Variants in CPAMD8 observed in about 807,000 individuals in gnomAD.
CPAMD8 encodes the protein C3 and PZP-like alpha-2-macroglobulin domain-containing protein 8.
In CPAMD8, 146 loss-of-function variants were observed where a neutral mutation model predicts 224.7. That is an observed-to-expected ratio of 0.65 (90% confidence interval 0.57 to 0.75). The LOEUF (loss-of-function observed/expected upper bound fraction) is 0.75, where lower values mean the gene tolerates loss of function less well. CPAMD8 is among the 30% of genes least tolerant of loss of function. The pLI, the probability that CPAMD8 is intolerant of heterozygous loss-of-function variation, is 0.00. For synonymous variants in CPAMD8, 966 were observed against 1,044.6 expected (o/e 0.92, Z 1.45); for missense variants, 2,301 against 2,537.5 (o/e 0.91, Z 2.00).
rs781714261 is a variant in CPAMD8, at chr19:16,896,664, G to A, written c.5067C>T (p.Gly1689=). 93 of 1,453,598 alleles carry A rather than the reference G, an allele frequency of 6.4e-5. No individual in the cohort carries two copies. The highest frequency in any genetic ancestry group is 6.4e-5 in the Non-Finnish European group (71 of 1,105,558). 90.0% of individuals were successfully genotyped at this position (1,453,598 alleles called of 1,614,324 possible). ...EVERAPARGP[G]WFPGESGPAV... ...CAGGGCCCGACTCGCCGGGGAACCAGCCTGGGGGACGAGGCAGGCTCGACA... is the reference window on the plus strand; with the variant it reads ...CAGGGCCCGACTCGCCGGGGAACCAACCTGGGGGACGAGGCAGGCTCGACA... Residue 1689 remains glycine, a splice_region_variant and synonymous_variant, in exon 40 of 42, where the codon GGC becomes GGT. Coordinates refer to ENST00000443236, the MANE Select transcript of CPAMD8 (RefSeq NM_015692.5).
At chr19:16,990,154 T>C (rs2055889268) in intron 12 of CPAMD8, among the ~76,000 whole-genome samples, 1 of 151,954 alleles carries the variant, frequency 6.6e-6, no homozygotes, top group South Asian at 2.1e-4. Flanking sequence ...CTCAGGAGGC[T>C]GAGGCACAAG....
chr19:16,934,132 C>G (rs2053621011), intron 23 of CPAMD8, among the ~76,000 whole-genome samples: 1 of 152,126 alleles, frequency 6.6e-6, no homozygotes, highest in African/African-American at 2.4e-5. Flanking sequence ...ACAAACTAAT[C>G]TACAGAGACA....
chr19:16,945,831 G>A, intron 21 of CPAMD8, 152 bp from the exon 22 acceptor site: 1 of 744,054 alleles, frequency 1.3e-6, no homozygotes, highest in Non-Finnish European at 2.3e-6. Flanking sequence ...ATGCATGCAA[G>A]TGTGTATGTC....
chr19:16,980,953 A>G (rs1226529447), intron 13 of CPAMD8, among the ~76,000 whole-genome samples: 1 of 151,860 alleles, frequency 6.6e-6, no homozygotes, highest in African/African-American at 2.4e-5. Flanking sequence ...CTCCTGCCTC[A>G]GCCTCCTGGG....
chr19:16,995,626 C>A (rs2056098929), intron 11 of CPAMD8, among the ~76,000 whole-genome samples: 1 of 152,178 alleles, frequency 6.6e-6, no homozygotes, highest in African/African-American at 2.4e-5. Flanking sequence ...GTCTTGAAGT[C>A]CTGACCTCAG....
chr19:16,976,735 AGTTT>A (rs1335984844), intron 15 of CPAMD8, among the ~76,000 whole-genome samples: 1 of 151,914 alleles, frequency 6.6e-6, no homozygotes, highest in Non-Finnish European at 1.5e-5. Context: ...AGCCTGTGGC[AGTTT>A]GTTTACAAGT....
chr19:16,921,747 T>A (rs536151247), intron 27 of CPAMD8, among the ~76,000 whole-genome samples, 158 bp downstream of exon 27: 1 of 152,252 alleles, frequency 6.6e-6, no homozygotes, highest in South Asian at 2.1e-4. Flanking sequence ...CCAACCTCCA[T>A]CTCTGGAGCT....
intron 21 of CPAMD8, among the ~76,000 whole-genome samples, chr19:16,946,784 CGTGT>C (rs547360274): frequency 6.7e-6 from 1 of 149,564 alleles, no homozygotes; most frequent in Non-Finnish European, 1.5e-5. Flanking sequence ...CACATGTGGG[CGTGT>C]GTGTGGATTT....
At chr19:16,961,792 G>A (rs2054666768) in intron 18 of CPAMD8, among the ~76,000 whole-genome samples, 1 of 152,176 alleles carries the variant, frequency 6.6e-6, no homozygotes, top group African/African-American at 2.4e-5. Context: ...ATATAGGCGG[G>A]TACCCCTCTG....
chr19:16,929,763 G>A (rs2053492081), intron 23 of CPAMD8, among the ~76,000 whole-genome samples: 1 of 152,174 alleles, frequency 6.6e-6, no homozygotes, highest in East Asian at 1.9e-4. Context: ...CCAAAGATGA[G>A]CAAGGTGTTG....
At chr19:16,986,737 T>G (rs2055734264) in intron 13 of CPAMD8, among the ~76,000 whole-genome samples, 1 of 152,074 alleles carries the variant, frequency 6.6e-6, no homozygotes, top group Admixed American at 6.6e-5. Context: ...GTGACATTTC[T>G]GCCAAGGCTG....
Position 16,904,451 on chromosome 19 carries a change from T to G in CPAMD8, c.4114+15A>C, listed in dbSNP as rs762495301. On this transcript the variant is annotated intron_variant, in intron 31 of 41. Transcript: ENST00000443236. Reference sequence around the variant, plus strand: ...ATGGCCAAGGCAGGCACCCGGGAGCTGGGGTGGCCAGTACCTGACTGAGAG... The same window carrying G: ...ATGGCCAAGGCAGGCACCCGGGAGCGGGGGTGGCCAGTACCTGACTGAGAG... The G allele has an allele frequency of 1.1e-5, 17 of 1,613,696 alleles. No individual in the cohort carries two copies. The South Asian group carries it at 1.8e-4, about 17-fold the overall frequency.
chr19:16,967,831 A>G (rs4808542), intron 18 of CPAMD8, among the ~76,000 whole-genome samples: 6 of 89,914 alleles, frequency 6.7e-5, no homozygotes, highest in African/African-American at 1.0e-4. Context: ...ATATATATGT[A>G]TATATATACA....
At chr19:17,011,181 C>A (rs992843804) in intron 5 of CPAMD8, among the ~76,000 whole-genome samples, 1 of 151,710 alleles carries the variant, frequency 6.6e-6, no homozygotes, top group Admixed American at 6.6e-5. Flanking sequence ...GGCAATAGAG[C>A]GAGAGACTCG....
Position 16,896,163 on chromosome 19 carries a change from G to C in CPAMD8, c.5426+13C>G. Reference sequence around the variant, plus strand: ...CCTATGTCTCTTATCTCTGGGGTGGGCCCAGCTGTTACCTGTCCTCCGCCT... The same window carrying C: ...CCTATGTCTCTTATCTCTGGGGTGGCCCCAGCTGTTACCTGTCCTCCGCCT... On this transcript the variant is annotated intron_variant, in intron 41 of 41. Transcript: ENST00000443236. The C allele has an allele frequency of 2.5e-6, 4 of 1,613,444 alleles. No homozygotes were observed. The highest frequency in any genetic ancestry group is 3.4e-6 in the Non-Finnish European group (4 of 1,179,832).
intron 30 of CPAMD8, among the ~76,000 whole-genome samples, chr19:16,906,399 TTTCTTTC>T (rs2052511548): frequency 1.1e-5 from 1 of 88,714 alleles, no homozygotes; most frequent in Non-Finnish European, 2.3e-5. Context: ...TCTTTCTTTC[TTTCTTTC>T]TTTCCTTCCT....
At chr19:16,999,227 T>C (rs187162978) in intron 10 of CPAMD8, among the ~76,000 whole-genome samples, 40 of 152,098 alleles carry the variant, frequency 2.6e-4, no homozygotes, top group African/African-American at 9.2e-4. Flanking sequence ...GGAAGGATGG[T>C]GGAACAATTC....
At chr19:17,013,152 A>T (rs563165885) in intron 3 of CPAMD8, among the ~76,000 whole-genome samples, 1 of 151,772 alleles carries the variant, frequency 6.6e-6, no homozygotes, top group South Asian at 2.1e-4. Context: ...TTGCACTCCA[A>T]CCTGGGTGAC....
At chr19:16,913,316 T>C (rs576620758) in intron 29 of CPAMD8, among the ~76,000 whole-genome samples, 34 of 152,132 alleles carry the variant, frequency 2.2e-4, no homozygotes, top group African/African-American at 7.5e-4. Context: ...GTATTAGGAG[T>C]TGGGGACCTT....
Sources: gnomAD v4.1 joint callset for allele counts (sites outside exome capture counted in the v4.1 genomes callset) on GRCh38, gnomAD v4.1.1 for gene constraint, MANE v1.5 for transcripts, NCBI Gene and HGNC (gene_info 2026-07-23, HGNC 2026-07-21) for gene names.